The following KATNBL1 variants were observed in gnomAD, a reference collection of about 807,000 sequenced individuals.
The protein encoded by KATNBL1 is katanin regulatory subunit B1 like 1.
A neutral mutation model predicts 44.7 loss-of-function variants in KATNBL1; 28 were observed. That is an observed-to-expected ratio of 0.63 (90% CI 0.46 to 0.86). The LOEUF (loss-of-function observed/expected upper bound fraction) is 0.86. KATNBL1 is among the 40% of genes least tolerant of loss of function. The pLI is 0.00. For synonymous variants in KATNBL1, 78 were observed against 114.9 expected (o/e 0.68, Z 2.06); for missense variants, 272 against 350.7 (o/e 0.78, Z 1.79).
chr15:34,145,855 A>T (rs1374200417), intron 8 of KATNBL1: 1 of 152,878 alleles, frequency 6.5e-6, no homozygotes, highest in Non-Finnish European at 1.5e-5. Flanking sequence ...TTAGTTGTCA[A>T]AGCAGGTAAG....
intron 1 of KATNBL1, among the ~76,000 whole-genome samples, chr15:34,179,753 A>AATT (rs1212977593): frequency 3.3e-5 from 5 of 152,226 alleles, no homozygotes. Context: ...CATTAACAGA[A>AATT]ATTATTTATT....
chr15:34,174,139 C>A (rs1030085531), intron 1 of KATNBL1, among the ~76,000 whole-genome samples: 1 of 152,052 alleles, frequency 6.6e-6, no homozygotes, highest in Admixed American at 6.6e-5. Context: ...TGATGTTGTT[C>A]AAAATACAGG....
At chr15:34,202,509 T>C (rs748956697) in intron 1 of KATNBL1, among the ~76,000 whole-genome samples, 101 of 152,292 alleles carry the variant, frequency 6.6e-4, no homozygotes, top group Non-Finnish European at 1.3e-3. Context: ...TCCCCAACAG[T>C]TACAGTGGTT....
At chr15:34,196,591 G>C (rs1303974601) in intron 1 of KATNBL1, among the ~76,000 whole-genome samples, 2 of 152,050 alleles carry the variant, frequency 1.3e-5, no homozygotes, top group African/African-American at 4.8e-5. Context: ...TGCCAGGCGT[G>C]GCGGCAGGCA....
intron 2 of KATNBL1, among the ~76,000 whole-genome samples, chr15:34,158,356 C>CT (rs1243068687): frequency 6.6e-6 from 1 of 152,092 alleles, no homozygotes; most frequent in African/African-American, 2.4e-5. Flanking sequence ...ATTAATTTCT[C>CT]TTTTTCAGTG....
In KATNBL1 at chr15:34,164,018, A is replaced by T. The variant is rs150265258; in HGVS notation, c.-14-328T>A. ...AGCAATTCTCCTGCCTCAGTCTCCC[A>T]AGTAGCTGGGATTATAGGCTTGTGC... On this transcript the variant is annotated intron_variant, in intron 1 of 9. Transcript: ENST00000256544. Among the ~76,000 whole-genome samples the T allele has an allele frequency of 1.9e-3, 285 of 151,882 alleles. 1 individual carries two copies. The highest frequency in any genetic ancestry group is 6.6e-3 in the African/African-American group (272 of 41,380).
chr15:34,178,610 G>T lies in KATNBL1; in HGVS notation c.-14-14920C>A, dbSNP rs570401572. 1.8e-3 allele frequency among the ~76,000 whole-genome samples: 279 copies of T among 152,200 alleles called. 1 individual carries two copies. Among genetic ancestry groups the T allele is most frequent in the African/African-American group, 6.4e-3 (266 of 41,530 alleles). On this transcript the variant is annotated intron_variant, in intron 1 of 9. Coordinates refer to ENST00000256544, the MANE Select transcript of KATNBL1 (RefSeq NM_024713.3). ...GTCTCTACTAAAAATACAAAAATTA[G>T]CCAGGTGTGGTGGTGGGCACTTGTA...
intron 1 of KATNBL1, among the ~76,000 whole-genome samples, chr15:34,194,937 A>G (rs1889990412): frequency 6.6e-6 from 1 of 152,226 alleles, no homozygotes; most frequent in Non-Finnish European, 1.5e-5. Context: ...CTATTATTAA[A>G]AAGACAAAAA....
intron 1 of KATNBL1, among the ~76,000 whole-genome samples, chr15:34,172,607 A>C (rs1889198280): frequency 2.6e-5 from 4 of 152,130 alleles, no homozygotes; most frequent in Admixed American, 1.3e-4. Context: ...TTACATACTA[A>C]ATGTTGAGAC....
chr15:34,181,787 T>TATATATATGTCC (rs1889559659), intron 1 of KATNBL1, among the ~76,000 whole-genome samples: 1 of 124,664 alleles, frequency 8.0e-6, no homozygotes, highest in African/African-American at 3.2e-5. Context: ...TATATGTCCA[T>TATATATATGTCC]ATATATATCC....
At chr15:34,156,085 T>A (rs560468112) in intron 2 of KATNBL1, among the ~76,000 whole-genome samples, 1 of 152,136 alleles carries the variant, frequency 6.6e-6, no homozygotes, top group Non-Finnish European at 1.5e-5. Context: ...CCAGCAAAGG[T>A]CTACCACAAT....
At chr15:34,143,966 CAAAAAA>C (rs61591705) in intron 9 of KATNBL1, among the ~76,000 whole-genome samples, 10 of 66,412 alleles carry the variant, frequency 1.5e-4, no homozygotes, top group South Asian at 1.7e-3. Context: ...GATTCCATCT[CAAAAAA>C]AAAAAAAAAA....
chr15:34,187,368 ATTC>A (rs1889746960), intron 1 of KATNBL1, among the ~76,000 whole-genome samples: 1 of 152,068 alleles, frequency 6.6e-6, no homozygotes. Flanking sequence ...ACTAAATAAA[ATTC>A]TTCTTCACCC....
At chr15:34,154,911 G>T (rs1888593330) in intron 2 of KATNBL1, 5 of 533,978 alleles carry the variant, frequency 9.4e-6, no homozygotes, top group Non-Finnish European at 1.7e-5. Flanking sequence ...ATTGGCTAGG[G>T]TTGGACCGCA....
At chr15:34,207,607 T>C (rs1320674712) in intron 1 of KATNBL1, among the ~76,000 whole-genome samples, 1 of 120,370 alleles carries the variant, frequency 8.3e-6, no homozygotes, top group Admixed American at 9.5e-5. Context: ...CCCAAAGTGC[T>C]GGGATTACAG....
intron 4 of KATNBL1, among the ~76,000 whole-genome samples, chr15:34,149,241 A>T (rs1468001312): frequency 6.6e-6 from 1 of 152,228 alleles, no homozygotes; most frequent in Non-Finnish European, 1.5e-5. Flanking sequence ...GCCCACAAAA[A>T]CATCCAATAT....
chr15:34,207,704 G>C (rs182310502), intron 1 of KATNBL1, among the ~76,000 whole-genome samples: 7 of 151,934 alleles, frequency 4.6e-5, no homozygotes, highest in Non-Finnish European at 8.8e-5. Flanking sequence ...GGGCTTAAGC[G>C]ATCTTCCCAC....
intron 1 of KATNBL1, among the ~76,000 whole-genome samples, chr15:34,165,538 T>C (rs1888939137): frequency 6.6e-6 from 1 of 152,196 alleles, no homozygotes; most frequent in Non-Finnish European, 1.5e-5. Context: ...GGCTCATGCC[T>C]GTAATCCCAG....
chr15:34,146,837 C>G lies in KATNBL1; in HGVS notation c.712G>C (p.Gly238Arg). ...ATGACTGCTTGAAGCCAGTTTAAAC[C>G]AACTATAACATATCTGAAATGACAT... ...KSKFEEYVIV[G>R]LNWLQAVIKR... Residue 238 changes from glycine (G) to arginine (R), a missense_variant, in exon 8 of 10, where the codon GGT becomes CGT. Around this residue, in one of 3 missense-constraint regions of KATNBL1, gnomAD observed 111 missense variants for 149.3 expected, o/e 0.74. Transcript: ENST00000256544. 6.3e-7 allele frequency: 1 copy of G among 1,593,772 alleles called. No homozygotes were observed. The highest frequency in any genetic ancestry group is 8.6e-7 in the Non-Finnish European group (1 of 1,162,046).
Sources: allele counts gnomAD v4.1 joint callset (sites outside exome capture counted in the v4.1 genomes callset), GRCh38; gene constraint gnomAD v4.1.1; regional missense constraint gnomAD v4.1.1; transcripts MANE v1.5; gene names NCBI Gene and HGNC (gene_info 2026-07-23, HGNC 2026-07-21).